Variants in PCDH15 observed in about 807,000 individuals in gnomAD.
PCDH15 encodes the protein protocadherin related 15, also known as protocadherin-15.
Under a neutral mutation model 178.5 loss-of-function variants are expected in PCDH15, and 129 were observed. The observed-to-expected ratio is 0.72, with a 90% CI of 0.63 to 0.84. The LOEUF is 0.84. PCDH15 is among the 40% of genes least tolerant of loss of function. The pLI is 0.00. For missense variants in PCDH15, 2,230 were observed against 2,099.9 expected, an observed-to-expected ratio of 1.06 and a Z score of -1.21; for synonymous variants, 800 against 732.0, an observed-to-expected ratio of 1.09 and a Z score of -1.50.
At chr10:54,423,236 A>G (rs1458602389) in intron 3 of PCDH15, among the ~76,000 whole-genome samples, 2 of 152,130 alleles carry the variant, frequency 1.3e-5, no homozygotes, top group African/African-American at 4.8e-5. Flanking sequence ...TCACTAGGAG[A>G]TATTGCAATA....
intron 2 of PCDH15, among the ~76,000 whole-genome samples, chr10:55,019,591 CA>C (rs1258235005): frequency 6.6e-6 from 1 of 152,102 alleles, no homozygotes; most frequent in Non-Finnish European, 1.5e-5. Flanking sequence ...GAGAATCACA[CA>C]AAAATTCTGA....
intron 8 of PCDH15, among the ~76,000 whole-genome samples, chr10:54,237,683 G>A (rs1185470594): frequency 6.6e-6 from 1 of 152,130 alleles, no homozygotes; most frequent in Non-Finnish European, 1.5e-5. Context: ...CAAAGCCCAA[G>A]TGGGCATGGC....
intron 25 of PCDH15, among the ~76,000 whole-genome samples, chr10:53,935,266 G>GGT (rs1321343822): frequency 6.6e-6 from 1 of 152,130 alleles, no homozygotes; most frequent in Non-Finnish European, 1.5e-5. Context: ...CCAAAACATA[G>GGT]GAAATAGTGT....
intron 1 of PCDH15, among the ~76,000 whole-genome samples, chr10:55,244,595 A>G (rs1009523654): frequency 1.3e-5 from 2 of 151,800 alleles, no homozygotes; most frequent in African/African-American, 4.8e-5. Flanking sequence ...ACACACACAA[A>G]CACACTGAAT....
At chr10:55,227,790 A>G (rs1005811515) in intron 1 of PCDH15, among the ~76,000 whole-genome samples, 26 of 152,274 alleles carry the variant, frequency 1.7e-4, no homozygotes, top group Admixed American at 1.6e-3. Flanking sequence ...AGACACATGT[A>G]TTATTATATT....
chr10:54,848,382 C>CAAAA (rs34830502), intron 3 of PCDH15, among the ~76,000 whole-genome samples: 10 of 85,170 alleles, frequency 1.2e-4, no homozygotes, highest in African/African-American at 3.7e-4. Flanking sequence ...AACTCCATCT[C>CAAAA]AAAAAAAAAA....
At chr10:54,094,991 T>C (rs2094673946) in intron 15 of PCDH15, among the ~76,000 whole-genome samples, 1 of 152,192 alleles carries the variant, frequency 6.6e-6, no homozygotes, top group Admixed American at 6.6e-5. Context: ...CTTCTGTTCA[T>C]GTTAAAGATG....
At chr10:55,584,647 G>T (rs1842687461) in intron 2 of PCDH15, among the ~76,000 whole-genome samples, 1 of 102,666 alleles carries the variant, frequency 9.7e-6, no homozygotes, top group Non-Finnish European at 1.7e-5. Context: ...GACAGAGCAA[G>T]ACTCTGTCTC....
intron 2 of PCDH15, among the ~76,000 whole-genome samples, chr10:55,610,617 G>A (rs531693989): frequency 5.2e-4 from 79 of 152,134 alleles, no homozygotes; most frequent in Non-Finnish European, 8.1e-4. Context: ...GGGCTAAGAC[G>A]TTTCTGTTTT....
chr10:54,290,723 T>TA (rs1325979652), intron 8 of PCDH15, among the ~76,000 whole-genome samples: 2 of 151,716 alleles, frequency 1.3e-5, no homozygotes, highest in South Asian at 2.1e-4. Flanking sequence ...AATGGAAAGC[T>TA]AAAAAAAGCA....
At chr10:55,090,752 T>G (rs539128028) in intron 2 of PCDH15, among the ~76,000 whole-genome samples, 1 of 152,180 alleles carries the variant, frequency 6.6e-6, no homozygotes, top group African/African-American at 2.4e-5. Flanking sequence ...AAGGTCAGGA[T>G]TTTCCACGTT....
intron 2 of PCDH15, among the ~76,000 whole-genome samples, chr10:55,548,059 T>C (rs775642592): frequency 6.6e-6 from 1 of 151,708 alleles, no homozygotes; most frequent in Non-Finnish European, 1.5e-5. Context: ...CAGGCTCACA[T>C]GAAAAAGAAT....
At chr10:55,480,319 AT>A (rs1257735267) in intron 2 of PCDH15, among the ~76,000 whole-genome samples, 1 of 151,536 alleles carries the variant, frequency 6.6e-6, no homozygotes, top group Admixed American at 6.6e-5. Flanking sequence ...AATGCCTTTT[AT>A]TTCTTTCTCT....
intron 2 of PCDH15, among the ~76,000 whole-genome samples, chr10:54,928,103 C>T (rs1353470716): frequency 1.3e-5 from 2 of 152,078 alleles, no homozygotes; most frequent in African/African-American, 4.8e-5. Flanking sequence ...ATAATGCTTC[C>T]TTCAGGAGCT....
rs1554820966 is a variant in PCDH15, at chr10:53,823,199, A to AGACT, written c.4368-2973_4368-2970dup. 5 of 1,614,046 alleles carry AGACT rather than the reference A, an allele frequency of 3.1e-6. No homozygotes were observed. Among genetic ancestry groups the AGACT allele is most frequent in the Non-Finnish European group, 4.2e-6 (5 of 1,179,956 alleles). ...CAGATAGAAATGTGAATTTTCTTGC[A>AGACT]GACTTCAGTTTGTTGCTCTTAAGTG... On this transcript the variant is annotated intron_variant, in intron 32 of 37. Coordinates refer to ENST00000644397, the MANE Select transcript of PCDH15 (RefSeq NM_001384140.1).
At position 54,314,130 on chromosome 10, in the gene PCDH15, TACACACACACAC is replaced by T. The variant is rs58949602; in HGVS notation, c.876+3129_876+3140del. Among the ~76,000 whole-genome samples the T allele has an allele frequency of 4.8e-3, 714 of 149,720 alleles. 4 individuals are homozygous for T. Among genetic ancestry groups the T allele is most frequent in the Non-Finnish European group, 7.5e-3 (507 of 67,198 alleles). On this transcript the variant is annotated intron_variant, in intron 8 of 37. Transcript: ENST00000644397. ...TATTTAAAAGGATTTTAATTGGAAG[TACACACACACAC>T]ACACACACACACACACACACACGCA...
chr10:54,733,127 C>T (rs1319135783), intron 1 of PCDH15, among the ~76,000 whole-genome samples: 1 of 151,348 alleles, frequency 6.6e-6, no homozygotes, highest in Non-Finnish European at 1.5e-5. Context: ...GTTTTGGAAC[C>T]TAGACAGTAA....
At position 53,932,614 on chromosome 10, in the gene PCDH15, C is replaced by A. The variant is rs142904260; in HGVS notation, c.3373+6201G>T. On this transcript the variant is annotated intron_variant, in intron 25 of 37. Transcript: ENST00000644397. The stretch of plus-strand genomic sequence containing the variant: ...TATACTGTTGAAGTGAATTCAAGTA[C>A]AACTTTACAACAACCCTCCCCTATA... Among the ~76,000 whole-genome samples the A allele has an allele frequency of 7.9e-5, 12 of 152,228 alleles. No homozygotes were observed. The East Asian group carries it at 2.3e-3, about 29-fold the overall frequency.
At chr10:53,857,464 G>T (rs1021935547) in intron 27 of PCDH15, among the ~76,000 whole-genome samples, 4 of 152,050 alleles carry the variant, frequency 2.6e-5, no homozygotes, top group Non-Finnish European at 4.4e-5. Flanking sequence ...CTGAGCATGA[G>T]AAACTATTTG....
Sources: gnomAD v4.1 joint callset for allele counts (sites outside exome capture counted in the v4.1 genomes callset) on GRCh38, gnomAD v4.1.1 for gene constraint, MANE v1.5 for transcripts, NCBI Gene and HGNC (gene_info 2026-07-23, HGNC 2026-07-21) for gene names.